The following STAB2 variants were observed in gnomAD, a reference collection of about 807,000 sequenced individuals.
STAB2 encodes the protein stabilin-2.
Under a neutral mutation model 338.1 loss-of-function variants are expected in STAB2, and 288 were observed. The ratio of observed to expected loss-of-function variants is 0.85; its 90% confidence interval spans 0.77 to 0.94. The LOEUF is 0.94. STAB2 is among the 40% of genes least tolerant of loss of function. STAB2 has a pLI of 0.00. For missense variants in STAB2, 3,141 were observed against 3,210.1 expected (o/e 0.98, Z 0.52); for synonymous variants, 1,202 against 1,193.3 (o/e 1.01, Z -0.15).
At chr12:103,647,095 T>C (rs1402467596) in intron 9 of STAB2, among the ~76,000 whole-genome samples, 1 of 152,164 alleles carries the variant, frequency 6.6e-6, no homozygotes, top group Non-Finnish European at 1.5e-5. Flanking sequence ...CTCATGTGGA[T>C]AAAAGGAGTC....
chr12:103,738,155 A>T (rs1882303559), intron 53 of STAB2, among the ~76,000 whole-genome samples: 1 of 152,156 alleles, frequency 6.6e-6, no homozygotes, highest in Admixed American at 6.5e-5. Flanking sequence ...AGATTACACC[A>T]TATGAAATTG....
Position 103,689,832 on chromosome 12 carries a change from C to G in STAB2, c.3046-14C>G, listed in dbSNP as rs568188371. Reference sequence around the variant, plus strand: ...AACATAAGCAGGTCACTTTATTTTCCTTCTGTGGTTCAGAATGCTTCTCTA... The same window carrying G: ...AACATAAGCAGGTCACTTTATTTTCGTTCTGTGGTTCAGAATGCTTCTCTA... On this transcript the variant is annotated splice_polypyrimidine_tract_variant and intron_variant, in intron 28 of 68. Transcript: ENST00000388887. 8 of 1,609,400 alleles carry G rather than the reference C, an allele frequency of 5.0e-6. No homozygotes were observed. The African/African-American group carries it at 5.4e-5, about 11-fold the overall frequency.
At chr12:103,604,540 A>G (rs986384186) in intron 3 of STAB2, among the ~76,000 whole-genome samples, 1 of 152,032 alleles carries the variant, frequency 6.6e-6, no homozygotes, top group Non-Finnish European at 1.5e-5. Context: ...TTTCTTGGAT[A>G]TAAGAACATT....
intron 43 of STAB2, 152 bp from the exon 44 acceptor site, chr12:103,717,618 A>G: frequency 3.1e-6 from 2 of 650,576 alleles, no homozygotes; most frequent in Non-Finnish European, 5.4e-6. Context: ...TAGGGTGACA[A>G]TTATCATTAT....
chr12:103,722,620 T>C (rs1880854046), intron 44 of STAB2, among the ~76,000 whole-genome samples: 1 of 152,182 alleles, frequency 6.6e-6, no homozygotes, highest in Non-Finnish European at 1.5e-5. Context: ...TAAACCTACA[T>C]GAAACTAGAG....
In STAB2 at chr12:103,625,704, C is replaced by T. The variant is rs549249567; in HGVS notation, c.487+3593C>T. Among the ~76,000 whole-genome samples the T allele has an allele frequency of 3.9e-5, 6 of 152,316 alleles. No homozygotes were observed. In the South Asian group the frequency reaches 1.2e-3, roughly 32 times the overall value. ...GGACATGAACTCATCATTTTTATGG[C>T]TGCATAGTATTCCATGGTATATATG... On this transcript the variant is annotated intron_variant, in intron 5 of 68. Transcript: ENST00000388887.
At chr12:103,611,169 T>C (rs1407735763) in intron 3 of STAB2, among the ~76,000 whole-genome samples, 1 of 152,184 alleles carries the variant, frequency 6.6e-6, no homozygotes, top group African/African-American at 2.4e-5. Context: ...ATTCTGTTGA[T>C]TTGGGGTGGA....
chr12:103,754,155 C>T (rs1883913266), intron 61 of STAB2, among the ~76,000 whole-genome samples: 1 of 152,008 alleles, frequency 6.6e-6, no homozygotes, highest in South Asian at 2.1e-4. Flanking sequence ...TATTCCTTTA[C>T]CAAGGAATAA....
chr12:103,672,354 T>C (rs913907197), intron 22 of STAB2, among the ~76,000 whole-genome samples: 1 of 152,240 alleles, frequency 6.6e-6, no homozygotes, highest in Admixed American at 6.5e-5. Context: ...GGCATTTGTC[T>C]GAGGCCAGCC....
intron 9 of STAB2, among the ~76,000 whole-genome samples, chr12:103,642,916 T>C (rs1873032934): frequency 6.6e-6 from 1 of 152,230 alleles, no homozygotes. Flanking sequence ...ATCTCCACCA[T>C]ACTTGTGAAT....
chr12:103,706,709 C>T (rs1879377641), intron 37 of STAB2, 83 bp from the exon 38 acceptor site: 1 of 1,557,986 alleles, frequency 6.4e-7, no homozygotes, highest in South Asian at 1.2e-5. Flanking sequence ...CACAAGAAGT[C>T]ACCCACAGCA....
In STAB2 at chr12:103,670,821, C is replaced by T. The variant is rs1235866968; in HGVS notation, c.2371+14C>T. ...GGTGTAACAAAAGTAAGTGGCACTT[C>T]CAGAGCTTCCTTCCACTCCTAAGCA... On this transcript the variant is annotated intron_variant, in intron 22 of 68. Coordinates refer to ENST00000388887, the MANE Select transcript of STAB2 (RefSeq NM_017564.10). 6.2e-7 allele frequency: 1 copy of T among 1,602,640 alleles called. No homozygotes were observed. The highest frequency in any genetic ancestry group is 2.2e-5 in the East Asian group (1 of 44,674).
intron 54 of STAB2, among the ~76,000 whole-genome samples, chr12:103,740,093 C>A (rs1048359862): frequency 3.3e-5 from 5 of 152,164 alleles, no homozygotes. Flanking sequence ...ACTCTCTGTG[C>A]AGCTATTAGG....
intron 66 of STAB2, 47 bp from the exon 67 acceptor site, chr12:103,762,227 G>T: frequency 6.2e-7 from 1 of 1,604,964 alleles, no homozygotes; most frequent in South Asian, 1.1e-5. Context: ...CCCTTTTGGG[G>T]AGTCAGAAGT....
intron 5 of STAB2, among the ~76,000 whole-genome samples, chr12:103,628,602 G>A (rs1052812017): frequency 2.6e-5 from 4 of 152,142 alleles, no homozygotes; most frequent in African/African-American, 9.7e-5. Context: ...TTCATCCTCT[G>A]GTAGCCCCAG....
intron 35 of STAB2, 65 bp downstream of exon 35, chr12:103,703,341 T>G: frequency 1.9e-6 from 3 of 1,576,462 alleles, no homozygotes; most frequent in Non-Finnish European, 2.6e-6. Flanking sequence ...TATATAATTT[T>G]GGGGGCATAA....
At chr12:103,633,841 C>T (rs573346451) in intron 6 of STAB2, among the ~76,000 whole-genome samples, 1 of 152,246 alleles carries the variant, frequency 6.6e-6, no homozygotes, top group South Asian at 2.1e-4. Context: ...TTTTACCCAT[C>T]TGTGGGTATG....
intron 43 of STAB2, among the ~76,000 whole-genome samples, chr12:103,717,306 T>A (rs1880397173): frequency 6.6e-6 from 1 of 152,202 alleles, no homozygotes; most frequent in Admixed American, 6.5e-5. Context: ...ATAGATTGTT[T>A]CCATGTGCAC....
chr12:103,677,884 C>A (rs927958694), intron 25 of STAB2, among the ~76,000 whole-genome samples: 5 of 152,172 alleles, frequency 3.3e-5, no homozygotes, highest in Non-Finnish European at 7.3e-5. Flanking sequence ...ACTCCAGGGC[C>A]GCCCTCTTAG....
Sources: gnomAD v4.1 joint callset for allele counts (sites outside exome capture counted in the v4.1 genomes callset) on GRCh38, gnomAD v4.1.1 for gene constraint, MANE v1.5 for transcripts, NCBI Gene and HGNC (gene_info 2026-07-23, HGNC 2026-07-21) for gene names.